The following PTRH1 variants were observed in gnomAD, a reference collection of about 807,000 sequenced individuals.
PTRH1 encodes peptidyl-tRNA hydrolase 1 homolog.
In PTRH1, 13 loss-of-function variants were observed where a neutral mutation model predicts 15.7. That is an observed-to-expected ratio of 0.83 (90% CI 0.54 to 1.31). PTRH1 has a LOEUF of 1.31. Among genes scored for constraint, PTRH1 ranks in the 40% most tolerant of loss-of-function variants. PTRH1 has a pLI of 0.00. For missense variants in PTRH1, 319 were observed against 296.2 expected, an observed-to-expected ratio of 1.08 and a Z score of -0.56; for synonymous variants, 139 against 136.7, an observed-to-expected ratio of 1.02 and a Z score of -0.12.
chr9:127,694,591 C>T (rs889288797), intron 2 of PTRH1, among the ~76,000 whole-genome samples: 9 of 151,560 alleles, frequency 5.9e-5, no homozygotes, highest in Admixed American at 1.3e-4. Context: ...AAGTCTCCAA[C>T]GGTGTTAAAT....
intron 1 of PTRH1, among the ~76,000 whole-genome samples, chr9:127,702,433 G>A (rs1183150599): frequency 3.3e-5 from 5 of 151,818 alleles, no homozygotes; most frequent in Non-Finnish European, 5.9e-5. Flanking sequence ...CTACTGGGTG[G>A]AGGTGGGAGT....
downstream of PTRH1, chr9:127,711,250 G>A: frequency 6.2e-7 from 1 of 1,614,112 alleles, no homozygotes; most frequent in Non-Finnish European, 8.5e-7. Flanking sequence ...AGATCATCCA[G>A]CGCGTGAACC....
chr9:127,701,601 A>C lies in PTRH1; in HGVS notation c.206-6460T>G, dbSNP rs542341156. The stretch of plus-strand genomic sequence containing the variant: ...ATTTCCCTGGTAAAGTGCCCAATCT[A>C]CTTGAAATCTTTAAAAATTGGCATG... On this transcript the variant is annotated intron_variant, in intron 1 of 2. Transcript: ENST00000335223. 1.4e-4 allele frequency among the ~76,000 whole-genome samples: 22 copies of C among 152,308 alleles called. 1 individual carries two copies. The highest frequency in any genetic ancestry group is 5.3e-4 in the African/African-American group (22 of 41,584).
downstream of PTRH1, chr9:127,711,927 G>T: frequency 6.2e-7 from 1 of 1,606,170 alleles, no homozygotes; most frequent in Non-Finnish European, 8.5e-7. Flanking sequence ...CCCTGCAGCT[G>T]CAGGTGGATA....
exon 2 of PTRH1, chr9:127,694,980 G>C (rs1448390129): frequency 1.4e-6 from 1 of 702,752 alleles, no homozygotes; most frequent in East Asian, 2.7e-5. Flanking sequence ...AGGTGACTTT[G>C]TTCCCTCCTG....
chr9:127,711,863 A>C (rs1188833250), downstream of PTRH1: 1 of 1,583,522 alleles, frequency 6.3e-7, no homozygotes, highest in East Asian at 2.3e-5. Flanking sequence ...CAGCAGCAGG[A>C]CACCAAGGAG....
At chr9:127,702,863 C>T (rs1175049586) in intron 1 of PTRH1, among the ~76,000 whole-genome samples, 3 of 151,624 alleles carry the variant, frequency 2.0e-5, no homozygotes, top group Non-Finnish European at 4.4e-5. Context: ...AGGCATGTGC[C>T]ACCACGCCTG....
chr9:127,715,567 G>A lies in PTRH1; in HGVS notation c.73C>T (p.Arg25Cys), dbSNP rs1225685704. ...ACCATCCACCGCTTCCCCGGGGGGC[G>A]AGGCTCCAAAACACATCGGCTCATG... ...RAMSRCVLEP[R>C]PPGKRWMVAG... Residue 25 changes from arginine (R) to cysteine (C), a missense_variant, in exon 1 of 5, where the codon CGC becomes TGC. By Grantham distance (180) the Arg-to-Cys change is radical. Coordinates refer to ENST00000543175, the MANE Select transcript of PTRH1 (RefSeq NM_001002913.3). The surrounding 1 kb of genome is among the most constrained non-coding windows in gnomAD (Gnocchi z 5.8). The A allele has an allele frequency of 5.0e-6, 8 of 1,613,398 alleles. No homozygotes were observed. The highest frequency in any genetic ancestry group is 1.7e-5 in the Admixed American group (1 of 60,008).
At chr9:127,713,276 A>G, downstream of PTRH1, 1 of 1,183,862 alleles carries the variant, frequency 8.4e-7, no homozygotes, top group Non-Finnish European at 1.2e-6. Context: ...AGGCTCTGCC[A>G]GGCCACAGCT....
At chr9:127,695,903 T>C (rs1842556373) in intron 1 of PTRH1, 1 of 152,156 alleles carries the variant, frequency 6.6e-6, no homozygotes, top group African/African-American at 2.4e-5. Flanking sequence ...AATACCAAAG[T>C]CAGGATAGTG....
intron 1 of PTRH1, among the ~76,000 whole-genome samples, chr9:127,701,081 T>C (rs1318138069): frequency 6.6e-6 from 1 of 152,218 alleles, no homozygotes; most frequent in African/African-American, 2.4e-5. Flanking sequence ...TGAATATGCA[T>C]AGCCCCTCCT....
chr9:127,707,056 A>G, intron 1 of PTRH1: 1 of 1,613,988 alleles, frequency 6.2e-7, no homozygotes. Flanking sequence ...GAGTGTGAGC[A>G]AGGCAGGCAA....
chr9:127,703,139 A>G (rs1423135010), intron 1 of PTRH1, among the ~76,000 whole-genome samples: 2 of 152,000 alleles, frequency 1.3e-5, no homozygotes, highest in Non-Finnish European at 2.9e-5. Context: ...CTATTGCCCA[A>G]TTCTAGAATA....
intron 1 of PTRH1, among the ~76,000 whole-genome samples, chr9:127,702,111 T>C (rs900846985): frequency 1.3e-4 from 20 of 151,570 alleles, no homozygotes; most frequent in African/African-American, 3.1e-4. Context: ...TGGTGGCTCA[T>C]GCCTGTAATC....
downstream of PTRH1, among the ~76,000 whole-genome samples, chr9:127,709,093 GGTT>G (rs1360871982): frequency 6.6e-6 from 1 of 152,180 alleles, no homozygotes; most frequent in Admixed American, 6.5e-5. This position sits in a 1 kb window ranked among gnomAD's most constrained non-coding sequence, Gnocchi z 4.7. Context: ...CATTCTTATA[GGTT>G]GTTGTAATGA....
Position 127,715,376 on chromosome 9 carries a change from C to T in PTRH1, c.96+168G>A. The T allele has an allele frequency of 8.0e-7, 1 of 1,245,630 alleles. No homozygotes were observed. Among genetic ancestry groups the T allele is most frequent in the Non-Finnish European group, 1.1e-6 (1 of 879,514 alleles). The allele number at this position is 1,245,630 out of a possible 1,614,324, so 77.2% of individuals were successfully genotyped here. On this transcript the variant is annotated intron_variant, in intron 1 of 4. Transcript: ENST00000543175. The surrounding 1 kb of genome is among the most constrained non-coding windows in gnomAD (Gnocchi z 5.8). ...ACTCCAGAAGGCTGGGCAGGCAGGG[C>T]GCCCTAGTGCAGGAACGGAGCTTCA...
chr9:127,699,361 A>G (rs1370010625), intron 1 of PTRH1, among the ~76,000 whole-genome samples: 1 of 152,222 alleles, frequency 6.6e-6, no homozygotes, highest in African/African-American at 2.4e-5. Context: ...GAGCAAGGAA[A>G]AGGCCGACAC....
intron 1 of PTRH1, chr9:127,706,933 C>T: frequency 6.9e-7 from 1 of 1,452,692 alleles, no homozygotes; most frequent in South Asian, 1.3e-5. Flanking sequence ...CCCTTTAAGC[C>T]CAGCCTCACT....
At chr9:127,704,597 T>G (rs1412985585) in intron 1 of PTRH1, among the ~76,000 whole-genome samples, 4 of 151,970 alleles carry the variant, frequency 2.6e-5, no homozygotes, top group African/African-American at 9.7e-5. Flanking sequence ...GATATGCGAC[T>G]GTGATGTGGG....
Sources: gnomAD v4.1 joint callset for allele counts (sites outside exome capture counted in the v4.1 genomes callset) on GRCh38, gnomAD v4.1.1 for gene constraint, Gnocchi (gnomAD v3.1) non-coding constraint, MANE v1.5 for transcripts, NCBI Gene and HGNC (gene_info 2026-07-23, HGNC 2026-07-21) for gene names.